The following GGCX variants were observed in gnomAD, a reference collection of about 807,000 sequenced individuals.
The protein encoded by GGCX is vitamin K-dependent gamma-carboxylase.
In GGCX, 63 loss-of-function variants were observed where a neutral mutation model predicts 88.5. The ratio of observed to expected loss-of-function variants is 0.71; its 90% CI spans 0.58 to 0.88. The LOEUF is 0.88. Among genes scored for constraint, GGCX ranks in the 40% least tolerant of loss-of-function variants. GGCX has a pLI of 0.00. For missense variants in GGCX, 805 were observed against 932.9 expected (o/e 0.86, Z 1.79); for synonymous variants, 368 against 365.8 (o/e 1.01, Z -0.07).
At chr2:85,552,342 G>A in intron 10 of GGCX, 74 bp downstream of exon 10, 1 of 1,370,004 alleles carries the variant, frequency 7.3e-7, no homozygotes, top group Non-Finnish European at 1.0e-6. Flanking sequence ...GACAATACCA[G>A]GAAGCAAGGG....
chr2:85,548,965 C>G lies in GGCX; in HGVS notation c.*969G>C, dbSNP rs1001400306. ...CTTTGATGCTGCTATTCTGACTGCT[C>G]TCATAACTGCTAGTGAAACACTGGG... On this transcript the variant is annotated 3_prime_UTR_variant, in exon 15 of 15. Coordinates refer to ENST00000233838, the MANE Select transcript of GGCX (RefSeq NM_000821.7). The G allele has an allele frequency of 1.3e-5, 2 of 152,172 alleles. No individual in the cohort carries two copies. Among genetic ancestry groups the G allele is most frequent in the Non-Finnish European group, 2.9e-5 (2 of 68,050 alleles). The allele number at this position is 152,172 out of a possible 1,614,324, so 9.4% of individuals were successfully genotyped here.
At position 85,560,901 on chromosome 2, in the gene GGCX, G is replaced by C; in HGVS notation, c.128C>G (p.Thr43Arg). The C allele has an allele frequency of 6.2e-7, 1 of 1,613,646 alleles. No homozygotes were observed. Among genetic ancestry groups the C allele is most frequent in the Non-Finnish European group, 8.5e-7 (1 of 1,179,548 alleles). ...RIGKLLGFEW[T>R]DLSSWRRLVT... ...CAGCCTCCGCCAACTGGACAAATCT[G>C]TCCACTCAAAACCCAAGAGTTTCCC... The change falls in exon 2 of 15, where the codon ACA becomes AGA. Residue 43 changes from threonine (T) to arginine (R), a missense_variant. By Grantham distance (71) the Thr-to-Arg change is moderately conservative. Around this residue, in one of 3 missense-constraint regions of GGCX, gnomAD observed 64 missense variants for 57.4 expected, o/e 1.12. Transcript: ENST00000233838.
chr2:85,551,343 A>T (rs762037951), intron 12 of GGCX, 137 bp downstream of exon 12: 4 of 880,622 alleles, frequency 4.5e-6, no homozygotes, highest in Admixed American at 1.8e-5. Context: ...TTAAATTGTT[A>T]GAGATGGGGT....
At chr2:85,556,342 C>T (rs1692203493) in intron 4 of GGCX, 82 bp from the exon 5 acceptor site, 1 of 860,002 alleles carries the variant, frequency 1.2e-6, no homozygotes, top group Non-Finnish European at 2.0e-6. Context: ...CACGATAATC[C>T]TATCTATCCT....
At chr2:85,551,167 A>C in intron 12 of GGCX, 95 bp from the exon 13 acceptor site, 1 of 1,239,382 alleles carries the variant, frequency 8.1e-7, no homozygotes, top group Non-Finnish European at 1.2e-6. Context: ...TTTCTACTCA[A>C]TTGTGTTTTG....
chr2:85,556,628 C>A (rs189178448), intron 4 of GGCX, among the ~76,000 whole-genome samples: 1 of 151,816 alleles, frequency 6.6e-6, no homozygotes, highest in East Asian at 1.9e-4. Context: ...GGTGTATTAT[C>A]TTTAAAAAAA....
chr2:85,553,036 T>C lies in GGCX; in HGVS notation c.1190A>G (p.Tyr397Cys), dbSNP rs1313091377. The C allele has an allele frequency of 6.2e-7, 1 of 1,614,146 alleles. No homozygotes were observed. Among genetic ancestry groups the C allele is most frequent in the Admixed American group, 1.7e-5 (1 of 60,030 alleles). Residue 397 changes from tyrosine (Y) to cysteine (C), a missense_variant, in exon 9 of 15, where the codon TAT (tyrosine) becomes TGT (cysteine). By Grantham distance (194) the Tyr-to-Cys change is radical. Coordinates refer to ENST00000233838, the MANE Select transcript of GGCX (RefSeq NM_000821.7). ...YNNWTNGLYG[Y>C]SWDMMVHSRS... ...GGAGTGCACCATCATGTCCCAGGAATAGCCATACAGCCCATTTGTCCAGTT... is the reference window on the plus strand; with the variant it reads ...GGAGTGCACCATCATGTCCCAGGAACAGCCATACAGCCCATTTGTCCAGTT...
At position 85,558,698 on chromosome 2, in the gene GGCX, A is replaced by C. The variant is rs553234800; in HGVS notation, c.374-93T>G. 353 of 1,039,342 alleles carry C rather than the reference A, an allele frequency of 3.4e-4. 1 individual carries two copies. Among genetic ancestry groups the C allele is most frequent in the Non-Finnish European group, 4.9e-4 (322 of 657,226 alleles). The allele number at this position is 1,039,342 out of a possible 1,614,324, so 64.4% of individuals were successfully genotyped here. A position where few individuals can be genotyped will look rare whatever the true frequency, so the allele number is the denominator to read the frequency against. On this transcript the variant is annotated intron_variant, in intron 3 of 14. Transcript: ENST00000233838. ...ATATGGTTGGAATTAAGAAAAATCA[A>C]GCATTGTATAATCACATAAAACTAA...
At chr2:85,557,527 A>T (rs1161739349) in intron 4 of GGCX, among the ~76,000 whole-genome samples, 1 of 152,222 alleles carries the variant, frequency 6.6e-6, no homozygotes, top group Non-Finnish European at 1.5e-5. Flanking sequence ...GAGATATTCT[A>T]TCAAAACTGC....
rs531395929 is a variant in GGCX at position 85,548,642 on chromosome 2, T to A, written c.*1292A>T. On this transcript the variant is annotated 3_prime_UTR_variant, in exon 15 of 15. Transcript: ENST00000233838. Reference sequence around the variant, plus strand: ...ACAGAAGTTACTGAGACTGCCAATTTACTACCGGTCTCTGCTACAAGTCCA... The same window carrying A: ...ACAGAAGTTACTGAGACTGCCAATTAACTACCGGTCTCTGCTACAAGTCCA... 1 of 152,282 alleles carries A rather than the reference T, an allele frequency of 6.6e-6. No homozygotes were observed. Among genetic ancestry groups the A allele is most frequent in the African/African-American group, 2.4e-5 (1 of 41,536 alleles). 9.4% of individuals were successfully genotyped at this position (152,282 alleles called of 1,614,324 possible).
Position 85,556,074 on chromosome 2 carries a change from A to G in GGCX, c.618+108T>C, listed in dbSNP as rs995613662. Reference sequence around the variant, plus strand: ...GCTTTCCAGCAAAGGGTAAAAACTAAAAACAGAAGATCCAGGGAGGCAGCG... The same window carrying G: ...GCTTTCCAGCAAAGGGTAAAAACTAGAAACAGAAGATCCAGGGAGGCAGCG... On this transcript the variant is annotated intron_variant, in intron 5 of 14. Coordinates refer to ENST00000233838, the MANE Select transcript of GGCX (RefSeq NM_000821.7). 2.4e-5 allele frequency: 18 copies of G among 762,620 alleles called. No individual in the cohort carries two copies. In the African/African-American group the frequency reaches 2.9e-4, roughly 12 times the overall value. 47.2% of individuals were successfully genotyped at this position (762,620 alleles called of 1,614,324 possible).
chr2:85,552,979 C>A lies in GGCX; in HGVS notation c.1247G>T (p.Arg416Leu), dbSNP rs764321063. The A allele has an allele frequency of 6.2e-7, 1 of 1,614,166 alleles. No individual in the cohort carries two copies. Among genetic ancestry groups the A allele is most frequent in the Non-Finnish European group, 8.5e-7 (1 of 1,179,968 alleles). The change falls in exon 9 of 15, where the codon CGT (arginine) becomes CTT (leucine). Residue 416 changes from arginine to leucine, a missense_variant. Arg to Leu is a moderately radical substitution (Grantham distance 102, BLOSUM62 -2). Around this residue, in one of 3 missense-constraint regions of GGCX, gnomAD observed 680 missense variants for 763.7 expected, o/e 0.89. Transcript: ENST00000233838. ...GCCCAGTTCGCCAGTGCGGCCATCA[C>A]GGTAGGTGATCTTCACGTGCTGGTG... ...RSHQHVKITY[R>L]DGRTGELGYL...
intron 4 of GGCX, among the ~76,000 whole-genome samples, chr2:85,557,853 C>T (rs1692269171): frequency 6.6e-6 from 1 of 152,150 alleles, no homozygotes; most frequent in African/African-American, 2.4e-5. Flanking sequence ...TATTTTATTA[C>T]TTTTCACTCA....
chr2:85,558,707 T>G, intron 3 of GGCX, 102 bp from the exon 4 acceptor site: 1 of 987,450 alleles, frequency 1.0e-6, no homozygotes, highest in Non-Finnish European at 1.6e-6. Context: ...AAGCATTGTA[T>G]AATCACATAA....
chr2:85,555,387 T>A, intron 6 of GGCX, 97 bp downstream of exon 6: 1 of 735,302 alleles, frequency 1.4e-6, no homozygotes, highest in Admixed American at 2.0e-5. Context: ...ATGTGGCAAA[T>A]TCAGGCAAAG....
chr2:85,553,313 C>T lies in GGCX; in HGVS notation c.1074G>A (p.Leu358=), dbSNP rs1466766680. Residue 358 remains leucine (L), a synonymous_variant, in exon 8 of 15, where the codon CTG becomes CTA. Transcript: ENST00000233838. ...SRGKSGQKPG[L]RHQLGAAFTL... Reference sequence around the variant, plus strand: ...TGAAGGCAGCTCCCAGCTGATGGCGCAGCCCTGGCTTCTGGCCACTTTTGC... The same window carrying T: ...TGAAGGCAGCTCCCAGCTGATGGCGTAGCCCTGGCTTCTGGCCACTTTTGC... The T allele has an allele frequency of 6.2e-7, 1 of 1,614,138 alleles. No homozygotes were observed. Among genetic ancestry groups the T allele is most frequent in the Non-Finnish European group, 8.5e-7 (1 of 1,180,034 alleles).
In GGCX at chr2:85,546,577, GCAGGTGCTTGTAATCC is replaced by G. The variant is rs1691676795; in HGVS notation, c.*3341_*3356del. ...AAATACAAAAAAGCTGGGTGTGGTG[GCAGGTGCTTGTAATCC>G]CAGCTACTCAGGAGGCTGGAGAATC... On this transcript the variant is annotated 3_prime_UTR_variant, in exon 15 of 15. Transcript: ENST00000233838. The G allele has an allele frequency of 6.6e-6, 1 of 152,138 alleles. No homozygotes were observed. 9.4% of individuals were successfully genotyped at this position (152,138 alleles called of 1,614,324 possible).
chr2:85,550,492 C>CAGGGG, intron 14 of GGCX, 63 bp downstream of exon 14: 1 of 1,209,600 alleles, frequency 8.3e-7, no homozygotes, highest in Non-Finnish European at 1.2e-6. Context: ...TTACTCTCCC[C>CAGGGG]AGGGGAAAGT....
chr2:85,561,326 G>T, intron 1 of GGCX, 60 bp downstream of exon 1: 1 of 387,172 alleles, frequency 2.6e-6, no homozygotes, highest in Non-Finnish European at 4.0e-6. Context: ...TCCCGCCCCC[G>T]CCCCTCTGAG....
Sources: allele counts gnomAD v4.1 joint callset (sites outside exome capture counted in the v4.1 genomes callset), GRCh38; gene constraint gnomAD v4.1.1; regional missense constraint gnomAD v4.1.1; transcripts MANE v1.5; gene names NCBI Gene and HGNC (gene_info 2026-07-23, HGNC 2026-07-21).